STRN3: variants seen among roughly 807,000 people sequenced by gnomAD.
STRN3 encodes the protein striatin 3, also known as striatin-3.
A neutral mutation model predicts 95.6 loss-of-function variants in STRN3; 29 were observed. That is an observed-to-expected ratio of 0.30 (90% confidence interval 0.23 to 0.41). STRN3 has a LOEUF of 0.41. Ranked by LOEUF, STRN3 falls within the 10% of genes least tolerant of loss-of-function variation. The pLI, the probability that STRN3 is intolerant of heterozygous loss-of-function variation, is 1.00. For missense variants in STRN3, 890 were observed against 972.1 expected, an observed-to-expected ratio of 0.92 and a Z score of 1.12; for synonymous variants, 331 against 357.6, an observed-to-expected ratio of 0.93 and a Z score of 0.84.
At chr14:30,919,311 GATATAT>G (rs1161449359) in intron 8 of STRN3, among the ~76,000 whole-genome samples, 1 of 151,308 alleles carries the variant, frequency 6.6e-6, no homozygotes, top group Non-Finnish European at 1.5e-5. Context: ...TGGAGAGAGA[GATATAT>G]ATAAAGATAC....
intron 5 of STRN3, among the ~76,000 whole-genome samples, chr14:30,941,053 C>T (rs139291719): frequency 4.1e-4 from 62 of 152,232 alleles, no homozygotes; most frequent in Non-Finnish European, 6.0e-4. Flanking sequence ...TTCCACCATG[C>T]GAAAACCCAG....
chr14:30,948,553 G>A (rs1879480252), intron 4 of STRN3, among the ~76,000 whole-genome samples: 1 of 152,100 alleles, frequency 6.6e-6, no homozygotes, highest in African/African-American at 2.4e-5. Flanking sequence ...AAAAATAAAA[G>A]TTTCAAGAAG....
chr14:31,006,408 A>G (rs1882716434), intron 1 of STRN3, among the ~76,000 whole-genome samples: 1 of 151,914 alleles, frequency 6.6e-6, no homozygotes, highest in African/African-American at 2.4e-5. Context: ...TAAAATTTAA[A>G]AAGTAGCCCA....
intron 4 of STRN3, among the ~76,000 whole-genome samples, chr14:30,949,824 C>A (rs1217563006): frequency 2.0e-5 from 3 of 152,046 alleles, no homozygotes; most frequent in African/African-American, 7.2e-5. Context: ...TTTAGAATAT[C>A]CACTGAGGAC....
intron 7 of STRN3, chr14:30,932,354 A>C (rs1203162678): frequency 6.6e-6 from 1 of 152,246 alleles, no homozygotes; most frequent in Non-Finnish European, 1.5e-5. Context: ...CATAAATATA[A>C]AGAGTGTTTG....
chr14:31,025,801 G>T, intron 1 of STRN3, 103 bp downstream of exon 1: 1 of 1,484,320 alleles, frequency 6.7e-7, no homozygotes, highest in Non-Finnish European at 9.0e-7. Flanking sequence ...GGTTCCGCTC[G>T]GCCTCCCAAG....
intron 8 of STRN3, among the ~76,000 whole-genome samples, chr14:30,924,539 G>A (rs1334884034): frequency 3.3e-5 from 5 of 152,082 alleles, no homozygotes; most frequent in Admixed American, 2.0e-4. Flanking sequence ...TGATCTGCCC[G>A]CCTCAGCCTC....
intron 5 of STRN3, among the ~76,000 whole-genome samples, chr14:30,940,719 T>C (rs568901090): frequency 6.6e-6 from 1 of 152,316 alleles, no homozygotes; most frequent in Non-Finnish European, 1.5e-5. Flanking sequence ...GAAAATATAT[T>C]CCAGAGAGTT....
At position 30,932,972 on chromosome 14, in the gene STRN3, C is replaced by A. The variant is rs544600878; in HGVS notation, c.988+2191G>T. 1.3e-4 allele frequency among the ~76,000 whole-genome samples: 20 copies of A among 152,076 alleles called. No homozygotes were observed. The South Asian group carries it at 4.2e-3, about 32-fold the overall frequency. ...TGGCACATTATTGACAGAATGTTAT[C>A]CAGCTATTAAAAATGATGCTGACTG... On this transcript the variant is annotated intron_variant, in intron 7 of 17. Coordinates refer to ENST00000357479, the MANE Select transcript of STRN3 (RefSeq NM_001083893.2).
At chr14:30,967,177 A>G (rs1330073907) in intron 1 of STRN3, among the ~76,000 whole-genome samples, 1 of 131,078 alleles carries the variant, frequency 7.6e-6, no homozygotes, top group Non-Finnish European at 1.6e-5. Context: ...GAGTAGCTCC[A>G]CTCCCACAGG....
At position 31,003,956 on chromosome 14, in the gene STRN3, C is replaced by G. The variant is rs184222217; in HGVS notation, c.282+21948G>C. Among the ~76,000 whole-genome samples, 33 of 151,770 alleles carry G rather than the reference C, an allele frequency of 2.2e-4. No homozygotes were observed. In the East Asian group the frequency reaches 5.8e-3, roughly 27 times the overall value. ...GCACTTAAGCCCAGGAGTTTAAGAC[C>G]AGCCTGGACAACAGAGTGAGACCTC... On this transcript the variant is annotated intron_variant, in intron 1 of 17. Transcript: ENST00000357479.
intron 1 of STRN3, chr14:31,018,785 C>T (rs1883365002): frequency 2.1e-6 from 1 of 467,322 alleles, no homozygotes; most frequent in Non-Finnish European, 4.2e-6. Context: ...CAGAGAGAAG[C>T]TCAACAACTT....
intron 5 of STRN3, among the ~76,000 whole-genome samples, chr14:30,944,568 TATAC>T (rs57678649): frequency 0.52 from 69,033 of 132,580 alleles, 18,276 homozygotes; most frequent in East Asian, 0.63. Context: ...TATATATATA[TATAC>T]ACACACAGAC....
intron 8 of STRN3, among the ~76,000 whole-genome samples, chr14:30,919,423 G>C (rs1203954120): frequency 6.6e-6 from 1 of 151,430 alleles, no homozygotes; most frequent in Non-Finnish European, 1.5e-5. Context: ...AGTTCTGTAA[G>C]CTCACAGACA....
chr14:30,922,568 A>G (rs1566437153), intron 8 of STRN3, among the ~76,000 whole-genome samples: 1 of 152,192 alleles, frequency 6.6e-6, no homozygotes, highest in African/African-American at 2.4e-5. Context: ...TTTTGAACAA[A>G]TCTAACATTT....
intron 1 of STRN3, among the ~76,000 whole-genome samples, chr14:31,008,738 T>C (rs902820594): frequency 2.0e-5 from 3 of 152,008 alleles, no homozygotes; most frequent in Admixed American, 6.6e-5. Context: ...ACATATTCTT[T>C]CAGCAGAATT....
At position 30,911,057 on chromosome 14, in the gene STRN3, A is replaced by G. The variant is rs771330622; in HGVS notation, c.1704T>C (p.Asp568=). The change falls in exon 13 of 18, where the codon GAT becomes GAC. Residue 568 remains aspartate, a synonymous_variant. Transcript: ENST00000357479. ...TTTACTTACCATATGTATCATATGG[A>G]TCTACACTGGGACTCGGCATATTCC... The part of the protein sequence containing the change: ...QWWNMPSPSV[D]PYDTYEPNVL... 27 of 1,613,810 alleles carry G rather than the reference A, an allele frequency of 1.7e-5. No homozygotes were observed. In the South Asian group the frequency reaches 3.0e-4, roughly 18 times the overall value.
Position 30,944,568 on chromosome 14 carries a change from T to TAC in STRN3, c.716+2521_716+2522insGT, listed in dbSNP as rs1879264067. On this transcript the variant is annotated intron_variant, in intron 5 of 17. Coordinates refer to ENST00000357479, the MANE Select transcript of STRN3 (RefSeq NM_001083893.2). ...ATATATACACGTATATATATATATATATACACACACAGACACACGCACATA... is the reference window on the plus strand; with the variant it reads ...ATATATACACGTATATATATATATATACATACACACACAGACACACGCACATA... Among the ~76,000 whole-genome samples the TAC allele has an allele frequency of 9.0e-5, 12 of 132,894 alleles. No homozygotes were observed. The South Asian group carries it at 2.8e-3, about 30-fold the overall frequency. The allele number at this position is 132,894 out of a possible 152,430, so 87.2% of individuals were successfully genotyped here.
At chr14:30,904,730 C>G (rs1896414646) in intron 15 of STRN3, among the ~76,000 whole-genome samples, 1 of 151,842 alleles carries the variant, frequency 6.6e-6, no homozygotes, top group Non-Finnish European at 1.5e-5. Flanking sequence ...AAATACTCAC[C>G]TCTGATAAAA....
Sources: allele counts gnomAD v4.1 joint callset (sites outside exome capture counted in the v4.1 genomes callset), GRCh38; gene constraint gnomAD v4.1.1; transcripts MANE v1.5; gene names NCBI Gene and HGNC (gene_info 2026-07-23, HGNC 2026-07-21).